The following CDH23 variants were observed in gnomAD, a reference collection of about 807,000 sequenced individuals.
CDH23 encodes cadherin related 23, also known as cadherin-23.
A neutral mutation model predicts 317.1 loss-of-function variants in CDH23; 189 were observed. That is an observed-to-expected ratio of 0.60 (90% CI 0.53 to 0.67). CDH23 has a LOEUF of 0.67. CDH23 is among the 30% of genes least tolerant of loss of function. CDH23 has a pLI of 0.00. For synonymous variants in CDH23, 1,839 were observed against 1,876.8 expected, an observed-to-expected ratio of 0.98 and a Z score of 0.52; for missense variants, 4,401 against 4,592.4, an observed-to-expected ratio of 0.96 and a Z score of 1.20.
At chr10:71,523,256 AG>A (rs2132236332) in intron 6 of CDH23, among the ~76,000 whole-genome samples, 1 of 152,308 alleles carries the variant, frequency 6.6e-6, no homozygotes, top group South Asian at 2.1e-4. Context: ...AAAATCTTTA[AG>A]GGCTCCTTAG....
chr10:71,449,176 G>A (rs1301737704), intron 3 of CDH23, among the ~76,000 whole-genome samples: 1 of 152,238 alleles, frequency 6.6e-6, no homozygotes, highest in Admixed American at 6.5e-5. Flanking sequence ...TGTCCTACAA[G>A]CCATGGGCTT....
In CDH23 at chr10:71,777,812, C is replaced by A; in HGVS notation, c.4978C>A (p.Leu1660Met). The A allele has an allele frequency of 6.2e-7, 1 of 1,613,982 alleles. No individual in the cohort carries two copies. Among genetic ancestry groups the A allele is most frequent in the Non-Finnish European group, 8.5e-7 (1 of 1,179,890 alleles). Residue 1660 changes from leucine to methionine, a missense_variant, in exon 39 of 70, where the codon CTG becomes ATG. Leu to Met is a conservative substitution (Grantham distance 15). Around this residue, in one of 3 missense-constraint regions of CDH23, gnomAD observed 3,068 missense variants for 3,203.3 expected, o/e 0.96. Coordinates refer to ENST00000224721, the MANE Select transcript of CDH23 (RefSeq NM_022124.6). ...CACCAGCCTCATCACCATCCAGGCA[C>A]TGGACCTGGATGAGGGTCCCAACGG... Reference protein sequence around the residue: ...LNTSLITIQALDLDEGPNGTV... With the variant: ...LNTSLITIQAMDLDEGPNGTV...
intron 34 of CDH23, chr10:71,737,780 C>G (rs1479369336): frequency 4.3e-6 from 2 of 468,886 alleles, no homozygotes; most frequent in East Asian, 6.9e-5. Flanking sequence ...GAGGCCTCAC[C>G]CGCGGCAGGC....
chr10:71,738,621 G>T lies in CDH23; in HGVS notation c.4333G>T (p.Asp1445Tyr). The T allele has an allele frequency of 6.2e-7, 1 of 1,613,532 alleles. No homozygotes were observed. The highest frequency in any genetic ancestry group is 8.5e-7 in the Non-Finnish European group (1 of 1,179,828). Residue 1445 changes from aspartate to tyrosine, a missense_variant, in exon 35 of 70, where the codon GAC (aspartate) becomes TAC (tyrosine). Transcript: ENST00000224721. ...GQRVATVKAW[D>Y]PDAGSNGQVV... ...GCGAGTGGCTACTGTCAAGGCCTGG[G>T]ACCCTGATGCTGGCAGCAATGGGCA...
At chr10:71,638,344 A>G (rs1862374291) in intron 11 of CDH23, among the ~76,000 whole-genome samples, 2 of 152,198 alleles carry the variant, frequency 1.3e-5, no homozygotes. Context: ...CGGAGAGGCA[A>G]GCTGGTGTCA....
At chr10:71,666,544 C>T (rs1208247602) in intron 14 of CDH23, among the ~76,000 whole-genome samples, 1 of 152,218 alleles carries the variant, frequency 6.6e-6, no homozygotes, top group Non-Finnish European at 1.5e-5. Flanking sequence ...CCCTGGCTTC[C>T]TTCTCAGATT....
chr10:71,426,117 T>C (rs1849066206), intron 1 of CDH23, among the ~76,000 whole-genome samples: 1 of 152,012 alleles, frequency 6.6e-6, no homozygotes, highest in Non-Finnish European at 1.5e-5. Flanking sequence ...AATTAGCCGG[T>C]GGAAGTTGAA....
rs533045825 is a variant in CDH23 at position 71,707,546 on chromosome 10, A to AGAT, written c.3106+503_3106+505dup. The AGAT allele has an allele frequency of 8.2e-5, 84 of 1,029,234 alleles. No homozygotes were observed. The South Asian group carries it at 2.5e-3, about 31-fold the overall frequency. The allele number at this position is 1,029,234 out of a possible 1,614,324, so 63.8% of individuals were successfully genotyped here. A position where few individuals can be genotyped will look rare whatever the true frequency, so the allele number is the denominator to read the frequency against. ...CTGTTGTCTGCAGAGCTGTGGCCAC[A>AGAT]GATGATGAGGCCATGTCCTGGCTCA... is the stretch of plus-strand genomic sequence containing the variant. On this transcript the variant is annotated intron_variant, in intron 26 of 69. Transcript: ENST00000224721.
intron 38 of CDH23, chr10:71,747,663 G>T: frequency 6.6e-6 from 1 of 152,398 alleles, no homozygotes; most frequent in Non-Finnish European, 1.5e-5. Flanking sequence ...AGGATTTTCA[G>T]GGAAGGGGGT....
At chr10:71,540,206 A>T (rs913303792) in intron 6 of CDH23, among the ~76,000 whole-genome samples, 2 of 152,100 alleles carry the variant, frequency 1.3e-5, no homozygotes, top group Admixed American at 1.3e-4. Context: ...TCACGTGCAG[A>T]CCAGAGTGCA....
chr10:71,503,625 T>G (rs115696648), intron 3 of CDH23, among the ~76,000 whole-genome samples: 2,608 of 152,090 alleles, frequency 0.017, 61 homozygotes, highest in African/African-American at 0.054. Context: ...GGCAGGGGGT[T>G]GGGGTAGGTG....
Position 71,751,839 on chromosome 10 carries a change from G to A in CDH23, c.4845+9918G>A. ...GCAGGTGGTGAGGCTTCAAAGCCGG[G>A]GTTTTCAATCCCTTGAATGTTGCTG... is the stretch of plus-strand genomic sequence containing the variant. On this transcript the variant is annotated intron_variant, in intron 38 of 69. Coordinates refer to ENST00000224721, the MANE Select transcript of CDH23 (RefSeq NM_022124.6). This position sits in a 1 kb window ranked among gnomAD's most constrained non-coding sequence, Gnocchi z 4.9. 2 of 1,562,794 alleles carry A rather than the reference G, an allele frequency of 1.3e-6. No individual in the cohort carries two copies. The highest frequency in any genetic ancestry group is 1.7e-6 in the Non-Finnish European group (2 of 1,154,266).
chr10:71,417,305 G>A (rs1848578511), intron 1 of CDH23, among the ~76,000 whole-genome samples: 1 of 152,096 alleles, frequency 6.6e-6, no homozygotes, highest in Admixed American at 6.5e-5. Context: ...TCAAACTACT[G>A]ACCTCAGGTG....
intron 6 of CDH23, among the ~76,000 whole-genome samples, chr10:71,514,975 C>T (rs563875228): frequency 2.0e-5 from 3 of 152,316 alleles, no homozygotes; most frequent in South Asian, 2.1e-4. Flanking sequence ...CCGTTAGGGG[C>T]GCGTGCCCGC....
At chr10:71,544,664 C>T (rs997314366) in intron 6 of CDH23, among the ~76,000 whole-genome samples, 2 of 152,218 alleles carry the variant, frequency 1.3e-5, no homozygotes, top group Admixed American at 6.5e-5. Flanking sequence ...ACACGCTGCA[C>T]ACCCCAAATA....
At chr10:71,605,251 TTA>T (rs1491500580) in intron 9 of CDH23, among the ~76,000 whole-genome samples, 2 of 150,918 alleles carry the variant, frequency 1.3e-5, no homozygotes, top group East Asian at 2.0e-4. Flanking sequence ...CCTTTTTTTT[TTA>T]AAAAAAAAAA....
intron 1 of CDH23, among the ~76,000 whole-genome samples, chr10:71,419,973 G>A: frequency 6.6e-6 from 1 of 152,296 alleles, no homozygotes; most frequent in East Asian, 1.9e-4. Context: ...TGTAGGGATG[G>A]AGTCTGTCCC....
chr10:71,786,823 T>G (rs564846469), intron 44 of CDH23, among the ~76,000 whole-genome samples: 1 of 152,006 alleles, frequency 6.6e-6, no homozygotes, highest in Non-Finnish European at 1.5e-5. Context: ...TTGCCCCCAC[T>G]TTTTCTCTTT....
chr10:71,714,035 G>T (rs1158261849), intron 28 of CDH23: 3 of 152,178 alleles, frequency 2.0e-5, no homozygotes, highest in African/African-American at 7.2e-5. Context: ...CCTAGAGCCA[G>T]CGAGTTAATA....
Sources: allele counts gnomAD v4.1 joint callset (sites outside exome capture counted in the v4.1 genomes callset), GRCh38; gene constraint gnomAD v4.1.1; regional missense constraint gnomAD v4.1.1; non-coding constraint Gnocchi (gnomAD v3.1); transcripts MANE v1.5; gene names NCBI Gene and HGNC (gene_info 2026-07-23, HGNC 2026-07-21).